Variants in GALNT17 observed in about 807,000 individuals in gnomAD.
GALNT17 encodes the protein UDP-GalNAc:polypeptide N-acetylgalactosaminyltransferase-like 3.
GALNT17 carries 29 observed loss-of-function variants against 63.7 expected under a neutral mutation model. The ratio of observed to expected loss-of-function variants is 0.46; its 90% CI spans 0.34 to 0.62. The LOEUF (loss-of-function observed/expected upper bound fraction) is 0.62, where lower values mean the gene tolerates loss of function less well. Among genes scored for constraint, GALNT17 ranks in the 20% least tolerant of loss-of-function variants. The pLI is 0.01. For synonymous variants in GALNT17, 305 were observed against 318.3 expected (o/e 0.96, Z 0.45); for missense variants, 603 against 799.6 (o/e 0.75, Z 2.97).
At chr7:71,643,631 T>A (rs1790634849) in intron 6 of GALNT17, among the ~76,000 whole-genome samples, 1 of 152,214 alleles carries the variant, frequency 6.6e-6, no homozygotes, top group Non-Finnish European at 1.5e-5. Context: ...TTTCTGTGAA[T>A]GGGCAGTGTC....
intron 5 of GALNT17, among the ~76,000 whole-genome samples, chr7:71,506,554 A>AC (rs1223556347): frequency 6.6e-6 from 1 of 152,168 alleles, no homozygotes; most frequent in Non-Finnish European, 1.5e-5. Context: ...GGCGTGAGCT[A>AC]CCCTACCTGG....
chr7:71,686,421 C>T (rs1562736806), intron 9 of GALNT17, among the ~76,000 whole-genome samples: 1 of 152,094 alleles, frequency 6.6e-6, no homozygotes, highest in Non-Finnish European at 1.5e-5. Context: ...CACTCTGTCA[C>T]CCAGGCTGGA....
At chr7:71,317,521 A>C (rs1429063190) in intron 1 of GALNT17, among the ~76,000 whole-genome samples, 4 of 152,054 alleles carry the variant, frequency 2.6e-5, no homozygotes, top group African/African-American at 9.7e-5. Flanking sequence ...ACCCAGATAG[A>C]ACAGCATAAA....
At chr7:71,695,909 C>T (rs1205047328) in intron 9 of GALNT17, among the ~76,000 whole-genome samples, 1 of 152,224 alleles carries the variant, frequency 6.6e-6, no homozygotes. Context: ...TCTTTCTTTG[C>T]TTGGCCCAGC....
At chr7:71,190,074 G>A (rs970517007) in intron 1 of GALNT17, among the ~76,000 whole-genome samples, 1 of 152,136 alleles carries the variant, frequency 6.6e-6, no homozygotes, top group African/African-American at 2.4e-5. Context: ...GCCTCCCAAA[G>A]TGCTGGGATT....
chr7:71,447,278 C>G (rs570008747), intron 5 of GALNT17, among the ~76,000 whole-genome samples: 1 of 152,174 alleles, frequency 6.6e-6, no homozygotes, highest in Non-Finnish European at 1.5e-5. Flanking sequence ...CACCTCCCTT[C>G]AGGTTTGATG....
At chr7:71,394,813 TA>T (rs1793108857) in intron 3 of GALNT17, among the ~76,000 whole-genome samples, 1 of 151,996 alleles carries the variant, frequency 6.6e-6, no homozygotes, top group Non-Finnish European at 1.5e-5. Context: ...ACTATAAAAA[TA>T]AAATAGACCA....
intron 3 of GALNT17, among the ~76,000 whole-genome samples, chr7:71,395,177 T>C (rs1486174076): frequency 1.3e-5 from 2 of 152,202 alleles, no homozygotes. Flanking sequence ...CACCACTACC[T>C]AATTCCAGAA....
intron 5 of GALNT17, among the ~76,000 whole-genome samples, chr7:71,466,614 G>A (rs948760764): frequency 6.6e-6 from 1 of 152,098 alleles, no homozygotes; most frequent in African/African-American, 2.4e-5. Context: ...GGTCCAAAGA[G>A]AGATATTTAC....
chr7:71,497,011 G>A (rs1438011898), intron 5 of GALNT17, among the ~76,000 whole-genome samples: 1 of 152,150 alleles, frequency 6.6e-6, no homozygotes, highest in Non-Finnish European at 1.5e-5. Flanking sequence ...CCAGGACTTT[G>A]AGGCTGCAGT....
chr7:71,271,947 TGG>T (rs774830182), intron 1 of GALNT17, among the ~76,000 whole-genome samples: 1 of 152,154 alleles, frequency 6.6e-6, no homozygotes. Flanking sequence ...TTTGTAGAGA[TGG>T]GGTCTCCCTA....
intron 5 of GALNT17, among the ~76,000 whole-genome samples, chr7:71,458,906 C>A (rs1787403426): frequency 6.6e-6 from 1 of 152,028 alleles, no homozygotes; most frequent in Non-Finnish European, 1.5e-5. Context: ...GCGTGGCGGG[C>A]CAAAAGGCAA....
At chr7:71,279,019 G>A (rs1790733077) in intron 1 of GALNT17, among the ~76,000 whole-genome samples, 1 of 151,418 alleles carries the variant, frequency 6.6e-6, no homozygotes, top group Admixed American at 6.6e-5. Context: ...TCCACCTCCC[G>A]AGTTCAAGCG....
chr7:71,318,433 G>T (rs1791541866), intron 1 of GALNT17, among the ~76,000 whole-genome samples: 7 of 88,672 alleles, frequency 7.9e-5, no homozygotes, highest in African/African-American at 1.6e-4. Context: ...TGTGTGTGTG[G>T]GGGGTGGGAT....
chr7:71,242,244 C>CTTTTTTT (rs796157853), intron 1 of GALNT17, among the ~76,000 whole-genome samples: 5 of 117,046 alleles, frequency 4.3e-5, no homozygotes, highest in Non-Finnish European at 7.6e-5. Flanking sequence ...GATCACATTT[C>CTTTTTTT]TTTTTTTTTT....
chr7:71,434,213 ACCTTGTG>A (rs1287253550), intron 5 of GALNT17, among the ~76,000 whole-genome samples: 1 of 152,044 alleles, frequency 6.6e-6, no homozygotes, highest in Non-Finnish European at 1.5e-5. Flanking sequence ...GCGGGACTTC[ACCTTGTG>A]ATCATGTGAG....
At chr7:71,172,204 G>A (rs370791279) in intron 1 of GALNT17, among the ~76,000 whole-genome samples, 2 of 152,072 alleles carry the variant, frequency 1.3e-5, no homozygotes, top group Non-Finnish European at 1.5e-5. Flanking sequence ...AGTGGCTCAC[G>A]CTTGTAATCC....
intron 1 of GALNT17, among the ~76,000 whole-genome samples, chr7:71,271,127 C>T (rs1339675638): frequency 6.6e-6 from 1 of 152,154 alleles, no homozygotes; most frequent in Non-Finnish European, 1.5e-5. Flanking sequence ...TTGCTCATTC[C>T]AAATGTGTTA....
At chr7:71,234,972 G>A (rs967401688) in intron 1 of GALNT17, among the ~76,000 whole-genome samples, 3 of 152,068 alleles carry the variant, frequency 2.0e-5, no homozygotes, top group African/African-American at 7.2e-5. Context: ...TCTGTTCAGC[G>A]GGGCGCGGTG....
Sources: gnomAD v4.1 joint callset for allele counts (sites outside exome capture counted in the v4.1 genomes callset) on GRCh38, gnomAD v4.1.1 for gene constraint, MANE v1.5 for transcripts, NCBI Gene and HGNC (gene_info 2026-07-23, HGNC 2026-07-21) for gene names.